The following DUSP11 variants were observed in gnomAD, a reference collection of about 807,000 sequenced individuals.
DUSP11 encodes dual specificity phosphatase 11.
In DUSP11, 27 loss-of-function variants were observed where a neutral mutation model predicts 41.4. The ratio of observed to expected loss-of-function variants is 0.65; its 90% CI spans 0.48 to 0.90. The LOEUF is 0.90. DUSP11 is among the 40% of genes least tolerant of loss of function. The probability of loss-of-function intolerance (pLI) is 0.00; values close to 1 mark genes in which losing one functional copy is unlikely to be tolerated. For synonymous variants in DUSP11, 188 were observed against 159.3 expected, an observed-to-expected ratio of 1.18 and a Z score of -1.35; for missense variants, 465 against 461.1, an observed-to-expected ratio of 1.01 and a Z score of -0.08.
chr2:73,771,271 T>C (rs1207878691), intron 4 of DUSP11, among the ~76,000 whole-genome samples: 1 of 152,242 alleles, frequency 6.6e-6, no homozygotes, highest in Non-Finnish European at 1.5e-5. Context: ...ATGAATTCCA[T>C]GCCTTTTCAC....
rs1573177808 is a variant in DUSP11 at position 73,767,035 on chromosome 2, C to A, written c.682+126G>T. On this transcript the variant is annotated intron_variant, in intron 6 of 8. Transcript: ENST00000272444. ...TCCACATACATCTATAGACTTTTGG[C>A]AAGACTATCTTATATTGGAACAAAC... 1.1e-5 allele frequency: 14 copies of A among 1,242,974 alleles called. No individual in the cohort carries two copies. The East Asian group carries it at 3.0e-4, about 27-fold the overall frequency. The allele number at this position is 1,242,974 out of a possible 1,614,324, so 77.0% of individuals were successfully genotyped here.
At chr2:73,776,730 T>G (rs147225319) in intron 2 of DUSP11, among the ~76,000 whole-genome samples, 3 of 152,342 alleles carry the variant, frequency 2.0e-5, no homozygotes, top group Middle Eastern at 3.4e-3. Flanking sequence ...GTTTTGATTC[T>G]TCCTTTTCTG....
rs1055997490 is a variant in DUSP11, at chr2:73,778,284, A to G, written c.318+17T>C. The stretch of plus-strand genomic sequence containing the variant: ...AACTCAGATGCCTGAAAGAATACTG[A>G]ATTAACTTTTGCTTACCTTTTGCAA... On this transcript the variant is annotated intron_variant, in intron 2 of 8. Coordinates refer to ENST00000272444, the Ensembl canonical transcript of DUSP11. The G allele has an allele frequency of 1.3e-6, 2 of 1,561,838 alleles. No individual in the cohort carries two copies. The highest frequency in any genetic ancestry group is 2.8e-5 in the African/African-American group (2 of 72,488).
intron 2 of DUSP11, 60 bp from the exon 3 acceptor site, chr2:73,775,104 AT>A (rs1187429002): frequency 6.9e-7 from 1 of 1,456,434 alleles, no homozygotes; most frequent in African/African-American, 1.4e-5. Flanking sequence ...TACATTAGGC[AT>A]TTATTCAAGT....
chr2:73,769,453 T>C, intron 4 of DUSP11, 128 bp from the exon 5 acceptor site: 3 of 713,570 alleles, frequency 4.2e-6, no homozygotes, highest in Non-Finnish European at 6.8e-6. Context: ...TAAAGAATCA[T>C]CTAACAGAAA....
intron 5 of DUSP11, chr2:73,768,466 A>C: frequency 3.0e-6 from 3 of 985,414 alleles, no homozygotes; most frequent in Non-Finnish European, 3.6e-6. Context: ...ACAGTGTGGC[A>C]ACATCCATAA....
intron 2 of DUSP11, among the ~76,000 whole-genome samples, chr2:73,776,898 T>C (rs1672700179): frequency 6.6e-6 from 1 of 152,216 alleles, no homozygotes; most frequent in Non-Finnish European, 1.5e-5. Flanking sequence ...AGCCCTTTTA[T>C]AGGTTTTGAT....
chr2:73,775,537 C>T (rs1672663507), intron 2 of DUSP11, among the ~76,000 whole-genome samples: 1 of 117,004 alleles, frequency 8.5e-6, no homozygotes, highest in Non-Finnish European at 1.9e-5. Context: ...AACCACCACA[C>T]CTGGCCTTTT....
chr2:73,772,434 C>G (rs753939634), intron 4 of DUSP11, among the ~76,000 whole-genome samples: 27 of 152,130 alleles, frequency 1.8e-4, no homozygotes, highest in Non-Finnish European at 3.2e-4. Context: ...AAGACTTAGA[C>G]AGTCAGCACC....
At chr2:73,777,484 T>C (rs1459157151) in intron 2 of DUSP11, among the ~76,000 whole-genome samples, 1 of 152,252 alleles carries the variant, frequency 6.6e-6, no homozygotes, top group East Asian at 1.9e-4. Context: ...CTTCTCATCT[T>C]TTTTATGGCT....
At chr2:73,777,715 T>A (rs1451501006) in intron 2 of DUSP11, among the ~76,000 whole-genome samples, 3 of 152,218 alleles carry the variant, frequency 2.0e-5, no homozygotes, top group Non-Finnish European at 2.9e-5. Flanking sequence ...GTGTCCCACA[T>A]CCTGAATGGC....
At chr2:73,775,172 T>G (rs1017462756) in intron 2 of DUSP11, 128 bp from the exon 3 acceptor site, 1 of 773,170 alleles carries the variant, frequency 1.3e-6, no homozygotes, top group Non-Finnish European at 2.0e-6. Context: ...TCCTGGAACA[T>G]AGAAGGTATA....
intron 7 of DUSP11, 82 bp downstream of exon 7, chr2:73,766,746 A>C (rs1573177586): frequency 7.3e-7 from 1 of 1,377,098 alleles, no homozygotes; most frequent in East Asian, 2.3e-5. Flanking sequence ...AAGCTACCAG[A>C]AGAATGAACA....
exon 1 of DUSP11, chr2:73,779,954 G>A (rs1349049339): frequency 6.2e-7 from 1 of 1,614,134 alleles, no homozygotes; most frequent in Non-Finnish European, 8.5e-7. Flanking sequence ...AGCCACTGCG[G>A]GGATGATGCC....
Position 73,779,886 on chromosome 2 carries a change from T to G in DUSP11, c.230A>C (p.His77Pro), listed in dbSNP as rs1271732431. 10 of 1,614,184 alleles carry G rather than the reference T, an allele frequency of 6.2e-6. No homozygotes were observed. In the East Asian group the frequency reaches 2.2e-4, roughly 36 times the overall value. Residue 77 changes from histidine to proline, a missense_variant, in exon 1 of 9, where the codon CAC becomes CCC. His to Pro is a moderately conservative substitution (Grantham distance 77, BLOSUM62 -2). Coordinates refer to ENST00000272444, the Ensembl canonical transcript of DUSP11. Reference sequence around the variant, plus strand: ...CAAGACATACTACCTTTCGGGGATGTGGTTTCCGCCCTTCTTCTTGGCTGA... The same window carrying G: ...CAAGACATACTACCTTTCGGGGATGGGGTTTCCGCCCTTCTTCTTGGCTGA...
At chr2:73,772,052 C>T (rs994832738) in intron 4 of DUSP11, among the ~76,000 whole-genome samples, 8 of 151,898 alleles carry the variant, frequency 5.3e-5, no homozygotes, top group Non-Finnish European at 2.9e-5. Flanking sequence ...GATCTCCTGA[C>T]CTCGTGATCC....
intron 5 of DUSP11, chr2:73,768,007 T>C (rs1020432931): frequency 2.6e-5 from 4 of 152,324 alleles, no homozygotes; most frequent in African/African-American, 9.6e-5. Flanking sequence ...TTTCAGCTCC[T>C]ATTCATATTT....
At position 73,766,419 on chromosome 2, in the gene DUSP11, T is replaced by C. The variant is rs918915781; in HGVS notation, c.934A>G (p.Arg312Gly). 4 of 1,609,218 alleles carry C rather than the reference T, an allele frequency of 2.5e-6. No homozygotes were observed. The East Asian group carries it at 6.7e-5, about 27-fold the overall frequency. ...AAAAGGGAAAACAGAGAGAGGTACC[T>C]GACTGATTGTTGCAAACTTTGGGTC... is the stretch of plus-strand genomic sequence containing the variant. The change falls in exon 8 of 9, where the codon AGA becomes GGA. Residue 312 changes from arginine (R) to glycine (G), a missense_variant and splice_region_variant. By Grantham distance (125) the Arg-to-Gly change is moderately radical (BLOSUM62 -2). Transcript: ENST00000272444.
In DUSP11 at chr2:73,780,108, T is replaced by G. The variant is rs1215449181; in HGVS notation, c.8A>C (p.Asn3Thr). 4 of 1,558,870 alleles carry G rather than the reference T, an allele frequency of 2.6e-6. No individual in the cohort carries two copies. The highest frequency in any genetic ancestry group is 3.9e-5 in the Admixed American group (2 of 51,572). The stretch of plus-strand genomic sequence containing the variant: ...TACGCCGCGCTCCAGCGTCTCGCTA[T>G]TGCGCATGTGCCACCGCCGGTCGTG... Residue 3 changes from asparagine to threonine, a missense_variant, in exon 1 of 9, where the codon AAT (asparagine) becomes ACT (threonine). Physicochemically the swap from Asn to Thr is moderately conservative, Grantham distance 65. Transcript: ENST00000272444.
Sources: gnomAD v4.1 joint callset for allele counts (sites outside exome capture counted in the v4.1 genomes callset) on GRCh38, gnomAD v4.1.1 for gene constraint, MANE v1.5 for transcripts, NCBI Gene and HGNC (gene_info 2026-07-23, HGNC 2026-07-21) for gene names.